The following CSMD1 variants were observed in gnomAD, a reference collection of about 807,000 sequenced individuals.
CSMD1 encodes CUB and Sushi multiple domains 1.
Under a neutral mutation model 417.5 loss-of-function variants are expected in CSMD1, and 213 were observed. The observed-to-expected ratio is 0.51, with a 90% CI of 0.46 to 0.57. The LOEUF (loss-of-function observed/expected upper bound fraction) is 0.57, where lower values mean the gene tolerates loss of function less well. CSMD1 is among the 20% of genes least tolerant of loss of function. The pLI is 0.00. For synonymous variants in CSMD1, 2,862 were observed against 1,736.8 expected (o/e 1.65, Z -16.11); for missense variants, 6,923 against 4,529.7 (o/e 1.53, Z -15.17).
At chr8:3,704,950 T>A (rs1341138862) in intron 7 of CSMD1, 1 of 152,170 alleles carries the variant, frequency 6.6e-6, no homozygotes, top group African/African-American at 2.4e-5. Context: ...TTGCCCAGTG[T>A]TTGTTTTTAC....
At chr8:3,062,830 C>T (rs951955539) in intron 49 of CSMD1, among the ~76,000 whole-genome samples, 1 of 152,166 alleles carries the variant, frequency 6.6e-6, no homozygotes, top group East Asian at 1.9e-4. Context: ...GGTAAATTGG[C>T]TGCTCAGCCA....
intron 5 of CSMD1, among the ~76,000 whole-genome samples, chr8:3,759,463 C>T (rs11779624): frequency 0.33 from 50,335 of 151,982 alleles, 8,625 homozygotes; most frequent in Non-Finnish European, 0.37. Flanking sequence ...TCTTCTACAG[C>T]TGTTAGCCAC....
At chr8:4,021,156 C>T (rs1317518598) in intron 4 of CSMD1, among the ~76,000 whole-genome samples, 3 of 152,176 alleles carry the variant, frequency 2.0e-5, no homozygotes, top group Admixed American at 6.5e-5. Flanking sequence ...AGCTCATGAG[C>T]ACGTGAAATG....
chr8:3,518,076 G>A (rs1043087875), intron 10 of CSMD1, among the ~76,000 whole-genome samples: 9 of 151,824 alleles, frequency 5.9e-5, no homozygotes, highest in African/African-American at 1.7e-4. Context: ...TAGAAAATGT[G>A]ATTATAACTA....
intron 5 of CSMD1, among the ~76,000 whole-genome samples, chr8:3,778,192 G>A (rs1353573758): frequency 1.3e-5 from 2 of 152,176 alleles, no homozygotes; most frequent in African/African-American, 4.8e-5. Context: ...GGGCAGGGAC[G>A]GGATCCTGGC....
At chr8:4,783,896 C>A (rs550021324) in intron 1 of CSMD1, among the ~76,000 whole-genome samples, 1 of 152,276 alleles carries the variant, frequency 6.6e-6, no homozygotes, top group African/African-American at 2.4e-5. Flanking sequence ...GACATATTTC[C>A]ACACACTGAA....
chr8:3,450,154 A>C (rs1268401598), intron 12 of CSMD1, among the ~76,000 whole-genome samples: 6 of 152,150 alleles, frequency 3.9e-5, no homozygotes, highest in Admixed American at 3.9e-4. Flanking sequence ...ACGAACGTTG[A>C]CTGTGGGTCT....
At chr8:4,801,767 GA>G (rs112413307) in intron 1 of CSMD1, among the ~76,000 whole-genome samples, 27 of 150,082 alleles carry the variant, frequency 1.8e-4, no homozygotes, top group Admixed American at 5.3e-4. Flanking sequence ...GAGGCAAAAA[GA>G]AAAAAAAATA....
chr8:4,668,414 C>CCATTAT (rs1805075500), intron 1 of CSMD1, among the ~76,000 whole-genome samples: 1 of 123,198 alleles, frequency 8.1e-6, no homozygotes, highest in Non-Finnish European at 1.7e-5. Flanking sequence ...TTGATGTTTT[C>CCATTAT]CATTATTATT....
chr8:4,902,121 T>A (rs1804913186), intron 1 of CSMD1, among the ~76,000 whole-genome samples: 1 of 152,086 alleles, frequency 6.6e-6, no homozygotes, highest in Non-Finnish European at 1.5e-5. Context: ...TAACTATATA[T>A]CAATGAAGTT....
intron 10 of CSMD1, among the ~76,000 whole-genome samples, chr8:3,499,324 CA>C (rs1796496568): frequency 6.6e-6 from 1 of 152,058 alleles, no homozygotes; most frequent in African/African-American, 2.4e-5. Flanking sequence ...AGTGTTGGTT[CA>C]GCTCTAATGC....
At chr8:3,948,035 G>A (rs756744961) in intron 5 of CSMD1, among the ~76,000 whole-genome samples, 3 of 152,036 alleles carry the variant, frequency 2.0e-5, no homozygotes, top group Admixed American at 6.6e-5. Flanking sequence ...GTAAAACCCC[G>A]TCTCTACTAA....
chr8:4,724,653 G>A lies in CSMD1; in HGVS notation c.86-87095C>T, dbSNP rs543386238. The stretch of plus-strand genomic sequence containing the variant: ...AAAAAATAAATGTAAGTTTCACACA[G>A]ACATTGAATAAACTTGCTTTGTATT... On this transcript the variant is annotated intron_variant, in intron 1 of 69. Transcript: ENST00000635120. Among the ~76,000 whole-genome samples, 6 of 152,004 alleles carry A rather than the reference G, an allele frequency of 3.9e-5. No individual in the cohort carries two copies. The East Asian group carries it at 1.2e-3, about 29-fold the overall frequency.
chr8:3,119,936 A>G (rs990109189), intron 41 of CSMD1, among the ~76,000 whole-genome samples: 2 of 152,188 alleles, frequency 1.3e-5, no homozygotes, highest in African/African-American at 4.8e-5. Context: ...CAAGTCATAA[A>G]ATAAAGTCTC....
chr8:4,921,705 T>A (rs145389021), intron 1 of CSMD1, among the ~76,000 whole-genome samples: 26 of 152,314 alleles, frequency 1.7e-4, no homozygotes, highest in African/African-American at 6.0e-4. Flanking sequence ...GGAATGTGTA[T>A]GCAATGTTTA....
intron 3 of CSMD1, among the ~76,000 whole-genome samples, chr8:4,122,235 G>C (rs371446754): frequency 2.0e-5 from 3 of 152,272 alleles, no homozygotes; most frequent in African/African-American, 7.2e-5. Context: ...TGTGAGGGAA[G>C]TGCAGTTGGT....
chr8:3,915,288 C>A (rs928171270), intron 5 of CSMD1, among the ~76,000 whole-genome samples: 1 of 151,406 alleles, frequency 6.6e-6, no homozygotes, highest in African/African-American at 2.4e-5. Flanking sequence ...TGCCTGTAGT[C>A]TCAGCTATTC....
intron 44 of CSMD1, 101 bp from the exon 45 acceptor site, chr8:3,107,899 G>C: frequency 1.4e-6 from 1 of 720,780 alleles, no homozygotes; most frequent in Non-Finnish European, 2.3e-6. Flanking sequence ...TAATGCTTAA[G>C]TACACGGACT....
chr8:3,492,200 C>T (rs1286204459), intron 11 of CSMD1, among the ~76,000 whole-genome samples: 1 of 152,138 alleles, frequency 6.6e-6, no homozygotes, highest in Non-Finnish European at 1.5e-5. Context: ...TGATTATTCT[C>T]CATTGCTTCA....
Sources: allele counts gnomAD v4.1 joint callset (sites outside exome capture counted in the v4.1 genomes callset), GRCh38; gene constraint gnomAD v4.1.1; transcripts MANE v1.5; gene names NCBI Gene and HGNC (gene_info 2026-07-23, HGNC 2026-07-21).